Variants in NPFFR2 observed in about 807,000 individuals in gnomAD.
NPFFR2 encodes the protein neuropeptide FF receptor 2.
In NPFFR2, 15 loss-of-function variants were observed where a neutral mutation model predicts 13.1. The ratio of observed to expected loss-of-function variants is 1.15; its 90% CI spans 0.77 to 1.76. The LOEUF is 1.76. Among genes scored for constraint, NPFFR2 ranks in the 40% most tolerant of loss-of-function variants. NPFFR2 has a pLI of 0.00. For missense variants in NPFFR2, 572 were observed against 503.5 expected (o/e 1.14, Z -1.30); for synonymous variants, 190 against 175.7 (o/e 1.08, Z -0.65).
At chr4:72,129,373 A>G (rs1722168445) in intron 2 of NPFFR2, among the ~76,000 whole-genome samples, 1 of 126,298 alleles carries the variant, frequency 7.9e-6, no homozygotes, top group Admixed American at 8.5e-5. Context: ...GGATCCCGCC[A>G]GCCTCTGAGT....
chr4:72,133,562 A>G (rs1722317636), intron 2 of NPFFR2, among the ~76,000 whole-genome samples: 1 of 152,210 alleles, frequency 6.6e-6, no homozygotes, highest in Non-Finnish European at 1.5e-5. Flanking sequence ...TGGTGATTTA[A>G]TAGGGATAGC....
intron 1 of NPFFR2, among the ~76,000 whole-genome samples, chr4:72,067,957 C>G (rs1326507577): frequency 6.6e-6 from 1 of 152,202 alleles, no homozygotes; most frequent in Admixed American, 6.5e-5. Flanking sequence ...CCCTGTAGCT[C>G]TGCTCTTCTT....
chr4:72,100,582 A>T (rs568423471), intron 1 of NPFFR2, among the ~76,000 whole-genome samples: 6 of 152,194 alleles, frequency 3.9e-5, no homozygotes, highest in Admixed American at 3.9e-4. Context: ...TACTATTATC[A>T]GTTTCTTTCT....
intron 1 of NPFFR2, among the ~76,000 whole-genome samples, chr4:72,127,863 C>G (rs532594932): frequency 6.6e-6 from 1 of 151,882 alleles, no homozygotes; most frequent in African/African-American, 2.4e-5. Flanking sequence ...GTGGATCACT[C>G]GAACTCAGGA....
chr4:72,121,822 G>A (rs549062866), intron 1 of NPFFR2, among the ~76,000 whole-genome samples: 9 of 152,164 alleles, frequency 5.9e-5, no homozygotes, highest in Admixed American at 1.3e-4. Context: ...GACCATCAAC[G>A]CTATGAAGAA....
At chr4:72,040,648 C>T (rs1428410856) in intron 1 of NPFFR2, among the ~76,000 whole-genome samples, 1 of 152,026 alleles carries the variant, frequency 6.6e-6, no homozygotes, top group East Asian at 1.9e-4. Flanking sequence ...AAATCATATT[C>T]CAAAACAAAT....
At chr4:72,041,484 A>G (rs1719218754) in intron 1 of NPFFR2, among the ~76,000 whole-genome samples, 1 of 152,162 alleles carries the variant, frequency 6.6e-6, no homozygotes. Flanking sequence ...TTCTTGGTAG[A>G]ATGATTTATT....
intron 1 of NPFFR2, among the ~76,000 whole-genome samples, chr4:72,109,800 A>G (rs1721514681): frequency 6.6e-6 from 1 of 151,938 alleles, no homozygotes; most frequent in Non-Finnish European, 1.5e-5. Flanking sequence ...AACTGCTTTC[A>G]TCTCTGTCCA....
intron 1 of NPFFR2, among the ~76,000 whole-genome samples, chr4:72,105,112 T>C (rs1432390026): frequency 6.6e-6 from 1 of 151,560 alleles, no homozygotes; most frequent in Admixed American, 6.6e-5. Context: ...TATATACACT[T>C]TGAGAAGTAA....
chr4:72,100,927 A>G (rs1721227742), intron 1 of NPFFR2, among the ~76,000 whole-genome samples: 1 of 152,048 alleles, frequency 6.6e-6, no homozygotes, highest in South Asian at 2.1e-4. Context: ...AAGGTATAGG[A>G]AGTATCTTTC....
chr4:72,139,094 C>A (rs925892982), intron 3 of NPFFR2, among the ~76,000 whole-genome samples: 3 of 138,670 alleles, frequency 2.2e-5, no homozygotes, highest in Admixed American at 7.0e-5. Flanking sequence ...ACTTTGCCCA[C>A]TTTTTGATGG....
intron 2 of NPFFR2, among the ~76,000 whole-genome samples, chr4:72,130,782 A>G (rs780261018): frequency 6.6e-6 from 1 of 152,204 alleles, no homozygotes; most frequent in Non-Finnish European, 1.5e-5. Flanking sequence ...GGAGCCCCAG[A>G]AAGCAGACAG....
intron 1 of NPFFR2, among the ~76,000 whole-genome samples, chr4:72,041,951 T>G (rs1560391802): frequency 6.6e-6 from 1 of 152,224 alleles, no homozygotes; most frequent in Non-Finnish European, 1.5e-5. Flanking sequence ...TTTACTTCGT[T>G]GAGAGTTTCC....
intron 2 of NPFFR2, among the ~76,000 whole-genome samples, chr4:72,131,002 G>A (rs1478307495): frequency 6.6e-6 from 1 of 152,042 alleles, no homozygotes; most frequent in Non-Finnish European, 1.5e-5. Flanking sequence ...GATGATTGAT[G>A]GTCCCTGGTT....
chr4:72,131,574 T>C lies in NPFFR2; in HGVS notation c.328+2655T>C, dbSNP rs145143810. On this transcript the variant is annotated intron_variant, in intron 2 of 3. Coordinates refer to ENST00000308744, the MANE Select transcript of NPFFR2 (RefSeq NM_004885.3). ...AACTAACCTGCACAATGTGCACATG[T>C]ACCCTAAAACTTAAAGTGTAATAAA... 9.6e-3 allele frequency among the ~76,000 whole-genome samples: 1,468 copies of C among 152,164 alleles called. 30 individuals carry two copies. Among genetic ancestry groups the C allele is most frequent in the African/African-American group, 0.034 (1,412 of 41,544 alleles).
intron 1 of NPFFR2, among the ~76,000 whole-genome samples, chr4:72,081,492 T>TG (rs932646272): frequency 7.0e-4 from 2 of 2,872 alleles, no homozygotes; most frequent in Non-Finnish European, 0.062. Context: ...TTAAGAATTG[T>TG]TTTTTTTTTT....
chr4:72,119,692 T>A (rs1159468779), intron 1 of NPFFR2, among the ~76,000 whole-genome samples: 1 of 152,142 alleles, frequency 6.6e-6, no homozygotes, highest in Non-Finnish European at 1.5e-5. Flanking sequence ...GAAATCCCTC[T>A]CCTAGCCAAG....
intron 1 of NPFFR2, among the ~76,000 whole-genome samples, chr4:72,120,572 C>G (rs920532983): frequency 6.6e-6 from 1 of 152,194 alleles, no homozygotes; most frequent in African/African-American, 2.4e-5. Flanking sequence ...AGGCAGTAAT[C>G]TTTGCTGTTC....
At chr4:72,063,085 T>C (rs1719967183) in intron 1 of NPFFR2, among the ~76,000 whole-genome samples, 1 of 152,228 alleles carries the variant, frequency 6.6e-6, no homozygotes, top group Non-Finnish European at 1.5e-5. Flanking sequence ...AAAGTATTTT[T>C]GTTTAGCAAT....
Sources: allele counts gnomAD v4.1 joint callset (sites outside exome capture counted in the v4.1 genomes callset), GRCh38; gene constraint gnomAD v4.1.1; transcripts MANE v1.5; gene names NCBI Gene and HGNC (gene_info 2026-07-23, HGNC 2026-07-21).